Variants in HSPA12A observed in about 807,000 individuals in gnomAD.
HSPA12A encodes heat shock protein family A (Hsp70) member 12A, also known as heat shock 70 kDa protein 12A.
HSPA12A carries 28 observed loss-of-function variants against 69.2 expected under a neutral mutation model. That is an observed-to-expected ratio of 0.40 (90% CI 0.30 to 0.55). The LOEUF is 0.55. Among genes scored for constraint, HSPA12A ranks in the 20% least tolerant of loss-of-function variants. HSPA12A has a pLI of 0.38. For missense variants in HSPA12A, 686 were observed against 900.7 expected, an observed-to-expected ratio of 0.76 and a Z score of 3.05; for synonymous variants, 345 against 370.5, an observed-to-expected ratio of 0.93 and a Z score of 0.79.
At chr10:116,769,617 G>A (rs1407746640) in intron 2 of HSPA12A, among the ~76,000 whole-genome samples, 1 of 152,162 alleles carries the variant, frequency 6.6e-6, no homozygotes, top group Non-Finnish European at 1.5e-5. Context: ...CTGCAGGATC[G>A]ATTCCCCGTC....
chr10:116,740,358 C>A (rs1448744203), intron 1 of HSPA12A, among the ~76,000 whole-genome samples: 3 of 152,114 alleles, frequency 2.0e-5, no homozygotes, highest in African/African-American at 7.2e-5. Flanking sequence ...GGGCCAGGGG[C>A]AAGCCAACTC....
intron 2 of HSPA12A, among the ~76,000 whole-genome samples, chr10:116,780,420 C>T (rs1844439177): frequency 6.6e-6 from 1 of 152,014 alleles, no homozygotes; most frequent in Non-Finnish European, 1.5e-5. Context: ...GGTGCAGTCA[C>T]CACTCACTGC....
intron 1 of HSPA12A, among the ~76,000 whole-genome samples, chr10:116,732,311 C>T (rs531584771): frequency 1.1e-5 from 1 of 87,054 alleles, no homozygotes; most frequent in Non-Finnish European, 2.8e-5. Context: ...GCCTGGGTGA[C>T]TCCGTCTCAA....
chr10:116,722,610 C>T (rs1035233971), intron 1 of HSPA12A, among the ~76,000 whole-genome samples: 10 of 152,132 alleles, frequency 6.6e-5, no homozygotes, highest in African/African-American at 2.4e-4. Flanking sequence ...ACCCCACACT[C>T]GGTGTGCCTG....
Position 116,779,817 on chromosome 10 carries a change from CA to C in HSPA12A, c.91+55117del, listed in dbSNP as rs543790748. 6.5e-4 allele frequency among the ~76,000 whole-genome samples: 99 copies of C among 152,182 alleles called. 2 individuals are homozygous for C. The highest frequency in any genetic ancestry group is 2.3e-3 in the African/African-American group (96 of 41,534). On this transcript the variant is annotated intron_variant, in intron 2 of 12. Coordinates refer to the HSPA12A transcript ENST00000635765. ...GTGGGTGTGTGTAAAGAGGAGCTAG[CA>C]GGGGGGACGGGATTCCTAAGGGCTT... is the stretch of plus-strand genomic sequence containing the variant.
In HSPA12A at chr10:116,796,163, A is replaced by AAAAAAG. The variant is rs1414051045; in HGVS notation, c.91+38771_91+38772insCTTTTT. ...ACTCCATCAAAAAAAAAAAAAAAAA[A>AAAAAAG]AAAGAAAGAAAGAAGAAAATTAAAT... On this transcript the variant is annotated intron_variant, in intron 2 of 12. Transcript: ENST00000635765. 8.5e-3 allele frequency among the ~76,000 whole-genome samples: 1,180 copies of AAAAAAG among 138,430 alleles called. 27 individuals are homozygous for AAAAAAG. Among genetic ancestry groups the AAAAAAG allele is most frequent in the African/African-American group, 0.032 (1,014 of 31,526 alleles). 90.8% of individuals were successfully genotyped at this position (138,430 alleles called of 152,430 possible).
intron 2 of HSPA12A, among the ~76,000 whole-genome samples, chr10:116,790,624 C>G (rs1589708302): frequency 6.6e-6 from 1 of 152,162 alleles, no homozygotes; most frequent in Non-Finnish European, 1.5e-5. Context: ...CTTAGAGAAG[C>G]CTTCTGGCCC....
chr10:116,684,161 AG>A (rs1849507092), intron 6 of HSPA12A, among the ~76,000 whole-genome samples, 199 bp from the exon 7 acceptor site: 1 of 152,186 alleles, frequency 6.6e-6, no homozygotes, highest in Admixed American at 6.5e-5. Context: ...CAAACACCCC[AG>A]GGTGGCCAAA....
At chr10:116,745,743 T>A (rs1851633268), upstream of HSPA12A, among the ~76,000 whole-genome samples, 1 of 152,116 alleles carries the variant, frequency 6.6e-6, no homozygotes, top group Non-Finnish European at 1.5e-5. Context: ...TGGCACTTCC[T>A]CCAGGACACC....
In HSPA12A at chr10:116,791,197, C is replaced by G. The variant is rs116233320; in HGVS notation, c.91+43738G>C. 7.7e-3 allele frequency among the ~76,000 whole-genome samples: 1,173 copies of G among 152,300 alleles called. 19 individuals carry two copies. The highest frequency in any genetic ancestry group is 0.026 in the African/African-American group (1,093 of 41,572). ...GTGTGCTGCTTGGATGAAGGAGAAG[C>G]TATTAACACAAGGATGTCTGAAGCT... On this transcript the variant is annotated intron_variant, in intron 2 of 12. Coordinates refer to the HSPA12A transcript ENST00000635765.
At chr10:116,800,570 G>A (rs570502401) in intron 2 of HSPA12A, among the ~76,000 whole-genome samples, 2 of 152,288 alleles carry the variant, frequency 1.3e-5, no homozygotes, top group South Asian at 4.1e-4. Flanking sequence ...CCCCTGCTGC[G>A]CTCACTGGGA....
chr10:116,778,256 G>GT (rs1844384946), intron 2 of HSPA12A, among the ~76,000 whole-genome samples: 7 of 152,144 alleles, frequency 4.6e-5, no homozygotes, highest in Non-Finnish European at 1.0e-4. Context: ...ATTGCTAGTA[G>GT]GTTTTTTCTT....
At chr10:116,698,864 T>A in intron 4 of HSPA12A, 125 bp from the exon 5 acceptor site, 2 of 719,376 alleles carry the variant, frequency 2.8e-6, no homozygotes, top group South Asian at 3.4e-5. Context: ...CCCCCATGCT[T>A]AAAGAGGCAG....
chr10:116,746,701 TATTTGA>T (rs1287670349), upstream of HSPA12A, among the ~76,000 whole-genome samples: 2 of 152,252 alleles, frequency 1.3e-5, no homozygotes, highest in Non-Finnish European at 2.9e-5. Context: ...TTAATTTATA[TATTTGA>T]ACACAAAAAT....
At chr10:116,809,365 A>C (rs1030596096) in intron 2 of HSPA12A, among the ~76,000 whole-genome samples, 16 of 152,206 alleles carry the variant, frequency 1.1e-4, no homozygotes, top group African/African-American at 3.9e-4. Flanking sequence ...AAAGCTCCGG[A>C]GTCAGACACA....
At chr10:116,750,887 C>T (rs1034227001) in intron 2 of HSPA12A, among the ~76,000 whole-genome samples, 8 of 151,944 alleles carry the variant, frequency 5.3e-5, no homozygotes, top group African/African-American at 1.2e-4. Context: ...GTGGGAGGAT[C>T]GCTTTAGCCT....
chr10:116,721,627 G>A (rs1293463723), intron 1 of HSPA12A, among the ~76,000 whole-genome samples: 4 of 152,156 alleles, frequency 2.6e-5, no homozygotes, highest in African/African-American at 4.8e-5. Flanking sequence ...AGCAGGGTAA[G>A]AGCAAACAAA....
At chr10:116,773,480 C>T (rs1844259965) in intron 2 of HSPA12A, among the ~76,000 whole-genome samples, 1 of 152,232 alleles carries the variant, frequency 6.6e-6, no homozygotes, top group Admixed American at 6.5e-5. Context: ...CTTCGCAGCT[C>T]CCAGCGGGTT....
At chr10:116,786,520 C>T (rs1844580975) in intron 2 of HSPA12A, among the ~76,000 whole-genome samples, 1 of 152,026 alleles carries the variant, frequency 6.6e-6, no homozygotes, top group Non-Finnish European at 1.5e-5. Context: ...GCATTGTTCT[C>T]ACAGAAAAAT....
Sources: gnomAD v4.1 joint callset for allele counts (sites outside exome capture counted in the v4.1 genomes callset) on GRCh38, gnomAD v4.1.1 for gene constraint, MANE v1.5 for transcripts, NCBI Gene and HGNC (gene_info 2026-07-23, HGNC 2026-07-21) for gene names.